TENM1: variants seen among roughly 807,000 people sequenced by gnomAD.
TENM1 encodes teneurin-1.
TENM1 carries 35 observed loss-of-function variants against 174.8 expected under a neutral mutation model. The observed-to-expected ratio is 0.20, with a 90% CI of 0.15 to 0.27. TENM1 has a LOEUF of 0.27. Ranked by LOEUF, TENM1 falls within the 10% of genes least tolerant of loss-of-function variation. TENM1 has a pLI of 1.00. For synonymous variants in TENM1, 781 were observed against 798.7 expected (o/e 0.98, Z 0.37); for missense variants, 1,633 against 2,130.1 (o/e 0.77, Z 4.59).
chrX:124,965,020 G>A (rs181795942), upstream of TENM1, among the ~76,000 whole-genome samples: 126 of 110,932 alleles, frequency 1.1e-3, no homozygotes, highest in Middle Eastern at 4.7e-3. Flanking sequence ...TTCAAAAAAG[G>A]CTTTTAGCTT....
chrX:124,526,617 T>C (rs1238912467), intron 16 of TENM1, among the ~76,000 whole-genome samples: 1 of 112,279 alleles, frequency 8.9e-6, no homozygotes, highest in African/African-American at 3.2e-5. Flanking sequence ...CACGGGCCAT[T>C]AATAACAGGT....
intron 3 of TENM1, among the ~76,000 whole-genome samples, chrX:124,780,491 G>T (rs146428686): frequency 5.2e-3 from 574 of 111,412 alleles, no homozygotes; most frequent in African/African-American, 0.018. Context: ...GACTTTAGAT[G>T]GCTTATATCA....
chrX:125,173,404 C>T, the TENM1 span, among the ~76,000 whole-genome samples: 260 of 111,452 alleles, frequency 2.3e-3, 2 homozygotes, highest in African/African-American at 8.2e-3. Context: ...TCTTTTGGGA[C>T]AGCACAGTTG....
chrX:124,530,048 T>C, intron 15 of TENM1, 65 bp from the exon 19 acceptor site: 1 of 1,141,674 alleles, frequency 8.8e-7, no homozygotes, highest in Non-Finnish European at 1.2e-6. Flanking sequence ...AGTCAAGTTG[T>C]AGAAACTTTG....
chrX:124,491,777 C>T (rs758907338), intron 20 of TENM1, among the ~76,000 whole-genome samples: 19 of 111,632 alleles, frequency 1.7e-4, no homozygotes, highest in Non-Finnish European at 2.8e-4. Flanking sequence ...GGAAACGTTT[C>T]GGATCAATAG....
intron 3 of TENM1, among the ~76,000 whole-genome samples, chrX:124,890,921 A>G (rs748359791): frequency 1.3e-4 from 15 of 112,272 alleles, no homozygotes; most frequent in Non-Finnish European, 2.3e-4. Flanking sequence ...AGATGAATAG[A>G]TAAAGAAAAC....
At chrX:124,741,600 G>A (rs1416787643) in intron 3 of TENM1, among the ~76,000 whole-genome samples, 1 of 111,767 alleles carries the variant, frequency 8.9e-6, no homozygotes, top group Non-Finnish European at 1.9e-5. Context: ...TAAGGGATAC[G>A]CGAATGCCAT....
intron 11 of TENM1, 117 bp from the exon 15 acceptor site, chrX:124,565,677 T>A (rs1348064404): frequency 6.3e-6 from 3 of 474,420 alleles, no homozygotes; most frequent in Non-Finnish European, 9.0e-6. Flanking sequence ...TATTTATTTA[T>A]TATTTTAATA....
intron 11 of TENM1, among the ~76,000 whole-genome samples, chrX:124,581,909 G>C (rs759455612): frequency 1.8e-5 from 2 of 111,250 alleles, no homozygotes; most frequent in South Asian, 3.8e-4. Context: ...TTAAGTTCCG[G>C]GATGCATGTG....
chrX:124,866,713 A>C (rs2057015222), intron 3 of TENM1, among the ~76,000 whole-genome samples: 1 of 111,756 alleles, frequency 8.9e-6, no homozygotes, highest in African/African-American at 3.2e-5. Flanking sequence ...ACAATACAAA[A>C]GATTAATGAA....
chrX:124,885,851 C>T, intron 3 of TENM1, among the ~76,000 whole-genome samples: 1 of 111,310 alleles, frequency 9.0e-6, no homozygotes, highest in East Asian at 2.8e-4. Context: ...AAATGATCAA[C>T]TAGGATATAT....
chrX:124,894,682 T>C (rs775790525), intron 2 of TENM1, among the ~76,000 whole-genome samples: 11 of 111,125 alleles, frequency 9.9e-5, no homozygotes, highest in Non-Finnish European at 2.1e-4. Flanking sequence ...CCAGTGAATA[T>C]GTCCAGAGTG....
At chrX:125,132,647 T>C in the TENM1 span, among the ~76,000 whole-genome samples, 253 of 112,023 alleles carry the variant, frequency 2.3e-3, 1 homozygote, top group Middle Eastern at 4.7e-3. Context: ...TCTCATTAAA[T>C]ATCCACAAAA....
chrX:124,758,240 ATCTT>A (rs1380125734), intron 3 of TENM1, among the ~76,000 whole-genome samples: 3 of 112,464 alleles, frequency 2.7e-5, no homozygotes, highest in Non-Finnish European at 3.8e-5. Flanking sequence ...TTGAATAGAT[ATCTT>A]TCTAAAGAAG....
At chrX:124,750,924 T>C (rs1211286064) in intron 3 of TENM1, among the ~76,000 whole-genome samples, 1 of 112,716 alleles carries the variant, frequency 8.9e-6, no homozygotes, top group Non-Finnish European at 1.9e-5. Context: ...TGTAGTGGGT[T>C]ATTTTATTTG....
At chrX:124,831,834 T>C (rs1187715892) in intron 3 of TENM1, among the ~76,000 whole-genome samples, 1 of 111,368 alleles carries the variant, frequency 9.0e-6, no homozygotes, top group East Asian at 2.8e-4. Flanking sequence ...ATGGCAGCAG[T>C]CAATGACTTT....
intron 3 of TENM1, among the ~76,000 whole-genome samples, chrX:124,777,280 T>C (rs747426258): frequency 8.9e-6 from 1 of 111,886 alleles, no homozygotes; most frequent in Non-Finnish European, 1.9e-5. Context: ...TATTCCTTTT[T>C]TGAAAAAAAC....
intron 3 of TENM1, among the ~76,000 whole-genome samples, chrX:124,827,204 C>G (rs1392182229): frequency 1.8e-5 from 2 of 111,239 alleles, no homozygotes; most frequent in Non-Finnish European, 3.8e-5. Context: ...GAGTGCACCA[C>G]TACACCTGGC....
chrX:125,176,276 A>T, the TENM1 span, among the ~76,000 whole-genome samples: 2 of 112,055 alleles, frequency 1.8e-5, no homozygotes, highest in Admixed American at 1.9e-4. Context: ...ATTATTCTTT[A>T]AAAAGCCCAT....
Sources: allele counts gnomAD v4.1 joint callset (sites outside exome capture counted in the v4.1 genomes callset), GRCh38; gene constraint gnomAD v4.1.1; transcripts MANE v1.5; gene names NCBI Gene and HGNC (gene_info 2026-07-23, HGNC 2026-07-21).